Variants in CBX2 observed in about 807,000 individuals in gnomAD.
The protein encoded by CBX2 is chromobox 2.
A neutral mutation model predicts 21.0 loss-of-function variants in CBX2; 11 were observed. The ratio of observed to expected loss-of-function variants is 0.52; its 90% CI spans 0.33 to 0.87. The LOEUF (loss-of-function observed/expected upper bound fraction) is 0.87, where lower values mean the gene tolerates loss of function less well. Among genes scored for constraint, CBX2 ranks in the 40% least tolerant of loss-of-function variants. The pLI is 0.02. For missense variants in CBX2, 746 were observed against 724.3 expected (o/e 1.03, Z -0.34); for synonymous variants, 364 against 304.6 (o/e 1.19, Z -2.03).
chr17:79,778,536 G>C lies in CBX2; in HGVS notation c.116+109G>C. On this transcript the variant is annotated intron_variant, in intron 2 of 4. Transcript: ENST00000310942. This position sits in a 1 kb window ranked among gnomAD's most constrained non-coding sequence, Gnocchi z 4.8. ...TGGCCTGGGGGCGCCCGCGGGCAGA[G>C]CGGGAAGTTCGCGGGGTCCCCGCGG... The C allele has an allele frequency of 1.6e-6, 1 of 618,948 alleles. No homozygotes were observed. Among genetic ancestry groups the C allele is most frequent in the East Asian group, 3.7e-5 (1 of 27,374 alleles). The allele number at this position is 618,948 out of a possible 1,614,324, so 38.3% of individuals were successfully genotyped here. A position where few individuals can be genotyped will look rare whatever the true frequency, so the allele number is the denominator to read the frequency against.
Position 79,785,131 on chromosome 17 carries a change from A to G in CBX2, c.*89A>G. 1.7e-6 allele frequency: 2 copies of G among 1,180,288 alleles called. No individual in the cohort carries two copies. The highest frequency in any genetic ancestry group is 2.4e-5 in the East Asian group (1 of 42,022). 73.1% of individuals were successfully genotyped at this position (1,180,288 alleles called of 1,614,324 possible). ...AGTGACTCCCAGCCCAAGCCCCCTC[A>G]AGAGTCTGGGTCGGGGGAGGAGGAG... On this transcript the variant is annotated 3_prime_UTR_variant, in exon 5 of 5. Transcript: ENST00000310942.
chr17:79,783,769 C>A lies in CBX2; in HGVS notation c.326C>A (p.Ser109Tyr), dbSNP rs1907408854. ...DAPSKSKSSS[S>Y]SSSSTSSSSS... ...CCCTCCAAATCCAAGTCCAGCAGTT[C>A]CTCCTCTTCCTCCACGTCATCCTCC... The change falls in exon 5 of 5, where the codon TCC becomes TAC. Residue 109 changes from serine (S) to tyrosine (Y), a missense_variant. Ser to Tyr is a moderately radical substitution (Grantham distance 144). Coordinates refer to ENST00000310942, the MANE Select transcript of CBX2 (RefSeq NM_005189.3). 6.4e-7 allele frequency: 1 copy of A among 1,558,234 alleles called. No homozygotes were observed.
chr17:79,783,228 T>C (rs927296889), intron 4 of CBX2, among the ~76,000 whole-genome samples: 19 of 152,184 alleles, frequency 1.2e-4, no homozygotes, highest in African/African-American at 4.3e-4. Flanking sequence ...TCTCTCTATC[T>C]ACCTTTAATT....
chr17:79,778,196 C>G lies in CBX2; in HGVS notation c.-40C>G. ...GGCGCGCGGCGGTCCGGGCGGGTGACTGGCGGCGGGCGCCGCGGTCGGGCT... is the reference window on the plus strand; with the variant it reads ...GGCGCGCGGCGGTCCGGGCGGGTGAGTGGCGGCGGGCGCCGCGGTCGGGCT... On this transcript the variant is annotated 5_prime_UTR_variant, in exon 1 of 5. Transcript: ENST00000310942. This position sits in a 1 kb window ranked among gnomAD's most constrained non-coding sequence, Gnocchi z 4.8. 7 of 1,250,638 alleles carry G rather than the reference C, an allele frequency of 5.6e-6. No homozygotes were observed. The highest frequency in any genetic ancestry group is 7.1e-6 in the Non-Finnish European group (7 of 989,622). The allele number at this position is 1,250,638 out of a possible 1,614,324, so 77.5% of individuals were successfully genotyped here. A position where few individuals can be genotyped will look rare whatever the true frequency, so the allele number is the denominator to read the frequency against.
Position 79,785,619 on chromosome 17 carries a change from A to T in CBX2, c.*577A>T, listed in dbSNP as rs1468095467. The T allele has an allele frequency of 6.3e-6, 1 of 159,194 alleles. No individual in the cohort carries two copies. Among genetic ancestry groups the T allele is most frequent in the Non-Finnish European group, 1.4e-5 (1 of 71,934 alleles). The allele number at this position is 159,194 out of a possible 1,614,324, so 9.9% of individuals were successfully genotyped here. ...GCTGGCATTGCCTGAGCCGGCAGTG[A>T]TGAAGTGGGGAGCTTGCCCTTGACA... On this transcript the variant is annotated 3_prime_UTR_variant, in exon 5 of 5. Transcript: ENST00000310942.
intron 3 of CBX2, among the ~76,000 whole-genome samples, chr17:79,780,677 C>T (rs192902025): frequency 1.5e-3 from 232 of 152,084 alleles, no homozygotes; most frequent in African/African-American, 5.5e-3. Flanking sequence ...GGACAGCCTT[C>T]TCCATCCACC....
intron 3 of CBX2, among the ~76,000 whole-genome samples, 151 bp from the exon 4 acceptor site, chr17:79,781,543 ATC>A (rs1907200098): frequency 6.6e-6 from 1 of 152,136 alleles, no homozygotes; most frequent in African/African-American, 2.4e-5. Context: ...ATGGGGTCTG[ATC>A]TCTGCCTTGG....
Position 79,782,144 on chromosome 17 carries a change from C to T in CBX2, c.288+343C>T, listed in dbSNP as rs1907271330. On this transcript the variant is annotated intron_variant, in intron 4 of 4. Transcript: ENST00000310942. ...CGGAAAGGAACAGGAAGCATGCGTA[C>T]AGTAGGTGCTCATAGGATTGCCGGC... 7 of 1,612,876 alleles carry T rather than the reference C, an allele frequency of 4.3e-6. No homozygotes were observed. The East Asian group carries it at 1.1e-4, about 26-fold the overall frequency.
At position 79,778,735 on chromosome 17, in the gene CBX2, C is replaced by T. The variant is rs1320012917; in HGVS notation, c.116+308C>T. On this transcript the variant is annotated intron_variant, in intron 2 of 4. Coordinates refer to ENST00000310942, the MANE Select transcript of CBX2 (RefSeq NM_005189.3). The surrounding 1 kb of genome is among the most constrained non-coding windows in gnomAD (Gnocchi z 4.8). ...AGGGAGGCGCGGGATGCAAGCCCCC[C>T]TCCTCTTGGCCAGATTCTCCCCGCT... 6.6e-6 allele frequency among the ~76,000 whole-genome samples: 1 copy of T among 152,172 alleles called. No homozygotes were observed. Among genetic ancestry groups the T allele is most frequent in the Non-Finnish European group, 1.5e-5 (1 of 68,002 alleles).
In CBX2 at chr17:79,784,614, G is replaced by A. The variant is rs200855311; in HGVS notation, c.1171G>A (p.Gly391Ser). The A allele has an allele frequency of 6.2e-5, 100 of 1,612,600 alleles. No homozygotes were observed. The Middle Eastern group carries it at 2.8e-3, about 45-fold the overall frequency. ...VPATNPAPGK[G>S]TGSGLIGASG... is the part of the protein sequence containing the mutation. ...GGCCACCAACCCAGCCCCTGGGAAG[G>A]GCACTGGGAGTGGCCTCATTGGGGC... Residue 391 changes from glycine (G) to serine (S), a missense_variant, in exon 5 of 5, where the codon GGC becomes AGC. This residue lies in a region of CBX2 where 701 missense variants were observed against 650.7 expected (regional missense o/e 1.08). Transcript: ENST00000310942. This position sits in a 1 kb window ranked among gnomAD's most constrained non-coding sequence, Gnocchi z 5.9.
At position 79,781,922 on chromosome 17, in the gene CBX2, C is replaced by T. The variant is rs781796384; in HGVS notation, c.288+121C>T. ...GTGGCACTTCTGCCAACAGTCTGTC[C>T]CTCTACTCGGAAAACAGGAGCCCCC... On this transcript the variant is annotated intron_variant, in intron 4 of 4. Coordinates refer to ENST00000310942, the MANE Select transcript of CBX2 (RefSeq NM_005189.3). The T allele has an allele frequency of 3.7e-6, 6 of 1,614,052 alleles. No homozygotes were observed. In the Admixed American group the frequency reaches 6.7e-5, roughly 18 times the overall value.
At chr17:79,782,067 G>T (rs377145883) in intron 4 of CBX2, 4 of 1,613,708 alleles carry the variant, frequency 2.5e-6, no homozygotes, top group Non-Finnish European at 3.4e-6. Context: ...TGGGTGGCAG[G>T]GTCAAACTGC....
At chr17:79,778,099 G>T, upstream of CBX2, 1 of 200,078 alleles carries the variant, frequency 5.0e-6, no homozygotes, top group South Asian at 1.6e-4. This position sits in a 1 kb window ranked among gnomAD's most constrained non-coding sequence, Gnocchi z 4.8. Flanking sequence ...GGGCGCGGGC[G>T]CGGAGCGGCG....
chr17:79,779,629 C>T, intron 3 of CBX2: 1 of 607,820 alleles, frequency 1.6e-6, no homozygotes, highest in East Asian at 2.8e-5. Flanking sequence ...CCTAGCCAGC[C>T]TGTATCCATC....
rs1555830263 is a variant in CBX2, at chr17:79,781,709, G to T, written c.196G>T (p.Glu66Ter). 6.2e-7 allele frequency: 1 copy of T among 1,613,860 alleles called. No homozygotes were observed. Among genetic ancestry groups the T allele is most frequent in the Non-Finnish European group, 8.5e-7 (1 of 1,179,964 alleles). Reference protein sequence around the residue: ...LAFQKKEHEKEVQNRKRGKRP... With the variant: ...LAFQKKEHEK ...GTGTGCCTTCAGGGAACATGAGAAG[G>T]AGGTGCAGAACCGGAAGAGAGGCAA... The change falls in exon 4 of 5, where the codon GAG becomes TAG. Residue 66 changes from glutamate to a stop codon, truncating the protein, a stop_gained. Coordinates refer to ENST00000310942, the MANE Select transcript of CBX2 (RefSeq NM_005189.3). LOFTEE classifies it high-confidence loss of function.
In CBX2 at chr17:79,787,481, G is replaced by A. The variant is rs1555832338; in HGVS notation, c.*2439G>A. On this transcript the variant is annotated 3_prime_UTR_variant, in exon 5 of 5. Transcript: ENST00000310942. ...CTGGTGCTTCAAGAGCGTGTGCAGG[G>A]CAAGTGCCGTCACTGGGAACTGCAC... is the stretch of plus-strand genomic sequence containing the variant. 6.5e-6 allele frequency: 1 copy of A among 152,684 alleles called. No individual in the cohort carries two copies. The highest frequency in any genetic ancestry group is 2.4e-5 in the African/African-American group (1 of 41,460). The allele number at this position is 152,684 out of a possible 1,614,324, so 9.5% of individuals were successfully genotyped here.
chr17:79,782,582 T>G, intron 4 of CBX2: 1 of 833,496 alleles, frequency 1.2e-6, no homozygotes, highest in South Asian at 3.9e-5. Context: ...GAACCTGCCT[T>G]TCCAGGAGGA....
rs782071811 is a variant in CBX2 at position 79,784,464 on chromosome 17, C to G, written c.1021C>G (p.Pro341Ala). The G allele has an allele frequency of 3.7e-6, 6 of 1,612,182 alleles. No individual in the cohort carries two copies. In the Admixed American group the frequency reaches 5.0e-5, roughly 13 times the overall value. ...HGASRVPAGC[P>A]GPQPAPTQEL... ...TGCCAGCAGGGTGCCTGCTGGGTGC[C>G]CAGGCCCCCAGCCAGCACCCACCCA... Residue 341 changes from proline (P) to alanine (A), a missense_variant, in exon 5 of 5, where the codon CCA (proline) becomes GCA (alanine). Around this residue, in one of 2 missense-constraint regions of CBX2, gnomAD observed 701 missense variants for 650.7 expected, o/e 1.08. Coordinates refer to ENST00000310942, the MANE Select transcript of CBX2 (RefSeq NM_005189.3). The surrounding 1 kb of genome is among the most constrained non-coding windows in gnomAD (Gnocchi z 5.9).
At chr17:79,782,573 A>G (rs1393822056) in intron 4 of CBX2, 1 of 903,072 alleles carries the variant, frequency 1.1e-6, no homozygotes, top group East Asian at 8.5e-5. Flanking sequence ...TCACTAACTG[A>G]ACCTGCCTTT....
Sources: gnomAD v4.1 joint callset for allele counts (sites outside exome capture counted in the v4.1 genomes callset) on GRCh38, gnomAD v4.1.1 for gene constraint, gnomAD v4.1.1 regional missense constraint, Gnocchi (gnomAD v3.1) non-coding constraint, MANE v1.5 for transcripts, NCBI Gene and HGNC (gene_info 2026-07-23, HGNC 2026-07-21) for gene names.